The following FSTL1 variants were observed in gnomAD, a reference collection of about 807,000 sequenced individuals.
FSTL1 encodes follistatin-related protein 1.
A neutral mutation model predicts 45.9 loss-of-function variants in FSTL1; 24 were observed. The ratio of observed to expected loss-of-function variants is 0.52; its 90% CI spans 0.38 to 0.74. The LOEUF (loss-of-function observed/expected upper bound fraction) is 0.74. FSTL1 is among the 30% of genes least tolerant of loss of function. The pLI is 0.00. For synonymous variants in FSTL1, 120 were observed against 137.6 expected (o/e 0.87, Z 0.89); for missense variants, 340 against 381.8 (o/e 0.89, Z 0.91).
At chr3:120,439,432 T>C (rs929885120) in intron 2 of FSTL1, among the ~76,000 whole-genome samples, 1 of 152,254 alleles carries the variant, frequency 6.6e-6, no homozygotes, top group Non-Finnish European at 1.5e-5. Context: ...CTATCATCTC[T>C]GCTTATCTAT....
chr3:120,445,242 G>C (rs774785617), intron 2 of FSTL1, among the ~76,000 whole-genome samples: 6 of 149,790 alleles, frequency 4.0e-5, no homozygotes, highest in Non-Finnish European at 5.9e-5. Context: ...AGCTAACAAG[G>C]AAAGCCATTT....
At chr3:120,425,421 G>C (rs1937359606) in intron 2 of FSTL1, among the ~76,000 whole-genome samples, 1 of 151,952 alleles carries the variant, frequency 6.6e-6, no homozygotes, top group African/African-American at 2.4e-5. Context: ...AACCTGGAGT[G>C]TAAGCCAGGC....
intron 3 of FSTL1, among the ~76,000 whole-genome samples, chr3:120,415,018 G>GAA (rs200534878): frequency 6.8e-6 from 1 of 147,050 alleles, no homozygotes; most frequent in Non-Finnish European, 1.5e-5. Context: ...AAAAAAGAAA[G>GAA]AAAAAAAATC....
intron 7 of FSTL1, among the ~76,000 whole-genome samples, chr3:120,403,980 A>AACAACAACAACAACAAC (rs1936895792): frequency 8.4e-6 from 1 of 118,954 alleles, no homozygotes; most frequent in Non-Finnish European, 1.8e-5. Flanking sequence ...AAACAAAAAA[A>AACAACAACAACAACAAC]AACAAAAAAC....
At chr3:120,445,092 A>G (rs908330134) in intron 2 of FSTL1, among the ~76,000 whole-genome samples, 2 of 149,804 alleles carry the variant, frequency 1.3e-5, no homozygotes, top group African/African-American at 2.6e-5. Flanking sequence ...GTGGAATTCA[A>G]TATAGATTAC....
intron 2 of FSTL1, among the ~76,000 whole-genome samples, chr3:120,426,055 C>T (rs1937373865): frequency 6.6e-6 from 1 of 152,154 alleles, no homozygotes; most frequent in Non-Finnish European, 1.5e-5. Flanking sequence ...TGCCAAGAAC[C>T]TGTCACTGAA....
At chr3:120,412,106 G>A in intron 3 of FSTL1, 123 bp from the exon 4 acceptor site, 1 of 970,878 alleles carries the variant, frequency 1.0e-6, no homozygotes, top group Non-Finnish European at 1.5e-6. Flanking sequence ...CACCACCAGA[G>A]ATGGTGCTTC....
At chr3:120,441,643 T>C (rs1937628710) in intron 2 of FSTL1, among the ~76,000 whole-genome samples, 1 of 152,362 alleles carries the variant, frequency 6.6e-6, no homozygotes, top group South Asian at 2.1e-4. Flanking sequence ...TGCGTGAATG[T>C]GTGTGCAAAC....
chr3:120,429,888 C>T (rs1308125766), intron 2 of FSTL1, among the ~76,000 whole-genome samples: 1 of 152,202 alleles, frequency 6.6e-6, no homozygotes, highest in Non-Finnish European at 1.5e-5. Context: ...GAGATAGTTC[C>T]CTATTCACTG....
chr3:120,436,611 C>T (rs1280703650), intron 2 of FSTL1, among the ~76,000 whole-genome samples: 1 of 152,116 alleles, frequency 6.6e-6, no homozygotes, highest in African/African-American at 2.4e-5. Context: ...TGGCTGTCAG[C>T]AAGACCAAGG....
intron 2 of FSTL1, among the ~76,000 whole-genome samples, chr3:120,416,925 T>G (rs538172320): frequency 3.1e-4 from 47 of 152,338 alleles, no homozygotes; most frequent in Non-Finnish European, 5.3e-4. Flanking sequence ...GGCTCATCCC[T>G]TCCCTCCCAT....
intron 3 of FSTL1, among the ~76,000 whole-genome samples, chr3:120,413,103 T>C (rs13081694): frequency 0.34 from 51,585 of 151,950 alleles, 9,227 homozygotes; most frequent in Admixed American, 0.38. Flanking sequence ...CACAGGCAAG[T>C]TCAGTTTCTT....
intron 9 of FSTL1, among the ~76,000 whole-genome samples, chr3:120,400,741 C>G (rs2107649175): frequency 1.3e-5 from 2 of 152,320 alleles, no homozygotes; most frequent in Admixed American, 1.3e-4. Flanking sequence ...GATTTGTGAT[C>G]TAAGATCAGA....
At chr3:120,429,234 G>A (rs1418273895) in intron 2 of FSTL1, among the ~76,000 whole-genome samples, 1 of 152,230 alleles carries the variant, frequency 6.6e-6, no homozygotes, top group Non-Finnish European at 1.5e-5. Flanking sequence ...AGGAAGGAAT[G>A]AGGAACTCTC....
At chr3:120,412,852 A>G (rs1412586356) in intron 3 of FSTL1, among the ~76,000 whole-genome samples, 6 of 151,360 alleles carry the variant, frequency 4.0e-5, no homozygotes, top group South Asian at 4.2e-4. Context: ...ACACACACAC[A>G]CACACACACA....
At position 120,409,646 on chromosome 3, in the gene FSTL1, G is replaced by C. The variant is rs1937012632; in HGVS notation, c.348C>G (p.Ser116=). ...PSASPVVCYQ[S]NRDELRRRII... ...TGCGACGTCGGAGCTCATCACGGTT[G>C]GACTGATAGCAAACAACTGCAGGAA... The change falls in exon 6 of 11, where the codon TCC becomes TCG. Residue 116 remains serine (S), a synonymous_variant. Transcript: ENST00000295633. 1 of 1,614,062 alleles carries C rather than the reference G, an allele frequency of 6.2e-7. No individual in the cohort carries two copies. Among genetic ancestry groups the C allele is most frequent in the African/African-American group, 1.3e-5 (1 of 75,042 alleles).
At chr3:120,410,370 C>T (rs1369721520) in intron 5 of FSTL1, 1 of 173,986 alleles carries the variant, frequency 5.7e-6, no homozygotes, top group African/African-American at 2.4e-5. Context: ...GGAGTTCTTC[C>T]CCAGTCTGCC....
At chr3:120,431,677 G>A (rs918125920) in intron 2 of FSTL1, among the ~76,000 whole-genome samples, 5 of 152,110 alleles carry the variant, frequency 3.3e-5, no homozygotes, top group African/African-American at 1.2e-4. Context: ...AAGAAAAAGA[G>A]AAAAAAGGAA....
intron 2 of FSTL1, among the ~76,000 whole-genome samples, chr3:120,443,143 G>A (rs1386795559): frequency 6.7e-6 from 1 of 149,156 alleles, no homozygotes; most frequent in Non-Finnish European, 1.5e-5. Context: ...CCATCTACTG[G>A]ACATACTGAT....
Sources: allele counts gnomAD v4.1 joint callset (sites outside exome capture counted in the v4.1 genomes callset), GRCh38; gene constraint gnomAD v4.1.1; transcripts MANE v1.5; gene names NCBI Gene and HGNC (gene_info 2026-07-23, HGNC 2026-07-21).